Variants in CCSER1 observed in about 807,000 individuals in gnomAD.
CCSER1 encodes the protein coiled-coil serine rich protein 1, also known as serine-rich coiled-coil domain-containing protein 1.
Under a neutral mutation model 82.0 loss-of-function variants are expected in CCSER1, and 41 were observed. The observed-to-expected ratio is 0.50, with a 90% CI of 0.39 to 0.65. The LOEUF is 0.65. Among genes scored for constraint, CCSER1 ranks in the 30% least tolerant of loss-of-function variants. The pLI, the probability that CCSER1 is intolerant of heterozygous loss-of-function variation, is 0.00. For synonymous variants in CCSER1, 414 were observed against 383.9 expected (o/e 1.08, Z -0.92); for missense variants, 1,119 against 1,064.2 (o/e 1.05, Z -0.72).
intron 10 of CCSER1, among the ~76,000 whole-genome samples, chr4:91,246,242 T>C (rs187190651): frequency 1.3e-5 from 2 of 151,724 alleles, no homozygotes; most frequent in Admixed American, 6.6e-5. Flanking sequence ...GTGTAGATTT[T>C]CAATTAGTTT....
At chr4:90,485,877 G>T (rs1766954446) in intron 5 of CCSER1, among the ~76,000 whole-genome samples, 1 of 151,914 alleles carries the variant, frequency 6.6e-6, no homozygotes, top group African/African-American at 2.4e-5. Context: ...AAGACATGAT[G>T]TTTTTATTTT....
At chr4:91,303,340 A>T (rs1454047176) in intron 10 of CCSER1, among the ~76,000 whole-genome samples, 2 of 152,078 alleles carry the variant, frequency 1.3e-5, no homozygotes, top group Non-Finnish European at 1.5e-5. Context: ...TCCATGTCAC[A>T]GCCACAAAGA....
chr4:91,304,611 G>T (rs1744907263), intron 10 of CCSER1, among the ~76,000 whole-genome samples: 1 of 151,916 alleles, frequency 6.6e-6, no homozygotes, highest in Non-Finnish European at 1.5e-5. Flanking sequence ...CTTTTATAAT[G>T]GAGGGCAGCC....
At chr4:91,143,129 A>T (rs1472782416) in intron 10 of CCSER1, among the ~76,000 whole-genome samples, 1 of 151,574 alleles carries the variant, frequency 6.6e-6, no homozygotes, top group African/African-American at 2.4e-5. Flanking sequence ...TATTTTTTTC[A>T]TTTGTTTATG....
intron 9 of CCSER1, among the ~76,000 whole-genome samples, chr4:90,937,423 G>A (rs932189284): frequency 1.1e-4 from 16 of 151,236 alleles, no homozygotes; most frequent in Non-Finnish European, 1.0e-4. Context: ...TAAATTTGCC[G>A]AAAATAAAAA....
At chr4:91,464,067 T>A (rs1031357539) in intron 10 of CCSER1, among the ~76,000 whole-genome samples, 1 of 151,956 alleles carries the variant, frequency 6.6e-6, no homozygotes, top group African/African-American at 2.4e-5. Context: ...TTTACTGAAG[T>A]TGAAATAAAG....
chr4:91,596,967 C>A (rs572550775), intron 10 of CCSER1, among the ~76,000 whole-genome samples: 1 of 151,944 alleles, frequency 6.6e-6, no homozygotes, highest in Non-Finnish European at 1.5e-5. Context: ...AGTTTAAGGA[C>A]GCCTAGTGGG....
intron 5 of CCSER1, among the ~76,000 whole-genome samples, chr4:90,527,238 A>C (rs1578970971): frequency 6.6e-6 from 1 of 152,244 alleles, no homozygotes; most frequent in Non-Finnish European, 1.5e-5. Flanking sequence ...CAAGGAACTT[A>C]AACAAATTAA....
At chr4:91,370,918 A>G (rs1362592891) in intron 10 of CCSER1, among the ~76,000 whole-genome samples, 4 of 151,896 alleles carry the variant, frequency 2.6e-5, no homozygotes, top group Non-Finnish European at 4.4e-5. Flanking sequence ...TTGGAGTGCT[A>G]TAGTGTGATC....
At chr4:90,316,316 C>T (rs1736155429) in intron 3 of CCSER1, among the ~76,000 whole-genome samples, 1 of 152,040 alleles carries the variant, frequency 6.6e-6, no homozygotes. Flanking sequence ...AAAATGTATT[C>T]GATTTAAAAT....
In CCSER1 at chr4:90,610,516, G is replaced by C. The variant is rs529295447; in HGVS notation, c.1725-17509G>C. On this transcript the variant is annotated intron_variant, in intron 5 of 10. Coordinates refer to ENST00000509176, the MANE Select transcript of CCSER1 (RefSeq NM_001145065.2). ...AGATACATATGATATAAATATTTTA[G>C]CTCTTTTTGCTTTCTAAGGCTGACA... 3.9e-5 allele frequency among the ~76,000 whole-genome samples: 6 copies of C among 152,082 alleles called. No individual in the cohort carries two copies. In the South Asian group the frequency reaches 6.2e-4, roughly 16 times the overall value.
intron 3 of CCSER1, among the ~76,000 whole-genome samples, chr4:90,379,089 C>T (rs916964948): frequency 2.6e-5 from 4 of 152,020 alleles, no homozygotes; most frequent in Admixed American, 2.6e-4. Flanking sequence ...CTATATAATG[C>T]CAAGAAATAA....
At chr4:90,704,486 C>T (rs1056434877) in intron 6 of CCSER1, among the ~76,000 whole-genome samples, 7 of 152,056 alleles carry the variant, frequency 4.6e-5, no homozygotes, top group Non-Finnish European at 7.4e-5. Flanking sequence ...ATCTTTGTGG[C>T]GTTCTCTGCA....
At chr4:90,236,279 T>C (rs1745785537) in intron 1 of CCSER1, among the ~76,000 whole-genome samples, 1 of 152,206 alleles carries the variant, frequency 6.6e-6, no homozygotes, top group Non-Finnish European at 1.5e-5. Flanking sequence ...TGTTGAATTC[T>C]TTATTGTCTT....
At chr4:91,517,849 A>G (rs1006251282) in intron 10 of CCSER1, among the ~76,000 whole-genome samples, 5 of 151,574 alleles carry the variant, frequency 3.3e-5, no homozygotes, top group Non-Finnish European at 7.4e-5. Context: ...CAGAGGGCTG[A>G]TGCTTTGTGC....
chr4:90,685,524 G>C (rs1734668772), intron 6 of CCSER1, among the ~76,000 whole-genome samples: 1 of 151,996 alleles, frequency 6.6e-6, no homozygotes, highest in African/African-American at 2.4e-5. Flanking sequence ...TCCACCCATA[G>C]GCATTTAAAA....
intron 1 of CCSER1, among the ~76,000 whole-genome samples, chr4:90,135,344 G>A (rs1338769529): frequency 1.3e-5 from 2 of 150,568 alleles, no homozygotes; most frequent in African/African-American, 2.4e-5. Flanking sequence ...CCCCCCCTTT[G>A]AAAAAAAACA....
intron 10 of CCSER1, among the ~76,000 whole-genome samples, chr4:91,478,777 CAA>C (rs1757729938): frequency 6.6e-6 from 1 of 151,728 alleles, no homozygotes; most frequent in Non-Finnish European, 1.5e-5. Flanking sequence ...ATATATACCA[CAA>C]GAGACCTACT....
At chr4:90,614,277 T>A (rs1720798903) in intron 5 of CCSER1, among the ~76,000 whole-genome samples, 1 of 152,178 alleles carries the variant, frequency 6.6e-6, no homozygotes, top group South Asian at 2.1e-4. Flanking sequence ...TATCTCTCCC[T>A]GTCCTCAGGC....
Sources: gnomAD v4.1 joint callset for allele counts (sites outside exome capture counted in the v4.1 genomes callset) on GRCh38, gnomAD v4.1.1 for gene constraint, MANE v1.5 for transcripts, NCBI Gene and HGNC (gene_info 2026-07-23, HGNC 2026-07-21) for gene names.